The following RBM48 variants were observed in gnomAD, a reference collection of about 807,000 sequenced individuals.
RBM48 encodes RNA-binding protein 48.
A neutral mutation model predicts 34.8 loss-of-function variants in RBM48; 32 were observed. That is an observed-to-expected ratio of 0.92 (90% CI 0.69 to 1.23). The LOEUF is 1.23. Among genes scored for constraint, RBM48 ranks in the 50% most tolerant of loss-of-function variants. RBM48 has a pLI of 0.00. For synonymous variants in RBM48, 151 were observed against 156.2 expected, an observed-to-expected ratio of 0.97 and a Z score of 0.25; for missense variants, 441 against 447.2, an observed-to-expected ratio of 0.99 and a Z score of 0.12.
chr7:92,530,791 G>A (rs1293421347), intron 2 of RBM48, among the ~76,000 whole-genome samples: 1 of 147,846 alleles, frequency 6.8e-6, no homozygotes, highest in East Asian at 2.0e-4. Flanking sequence ...GAGTGAGACT[G>A]TCTCAAAAAA....
chr7:92,535,196 G>C, intron 4 of RBM48: 5 of 1,404,852 alleles, frequency 3.6e-6, no homozygotes, highest in Middle Eastern at 2.5e-4. Flanking sequence ...TATCACTGTA[G>C]ATACAAAATA....
At chr7:92,528,949 C>T in intron 1 of RBM48, 25 bp downstream of exon 1, 2 of 1,542,614 alleles carry the variant, frequency 1.3e-6, no homozygotes, top group South Asian at 1.1e-5. Context: ...GTTTCATTCG[C>T]TCTCCTCGGT....
At chr7:92,531,779 G>A (rs1003499485) in intron 2 of RBM48, among the ~76,000 whole-genome samples, 1 of 152,192 alleles carries the variant, frequency 6.6e-6, no homozygotes, top group Non-Finnish European at 1.5e-5. Flanking sequence ...TTGTTTTTAG[G>A]TGTTAATTCA....
intron 3 of RBM48, among the ~76,000 whole-genome samples, chr7:92,533,786 A>G (rs1000961060): frequency 6.6e-6 from 1 of 152,158 alleles, no homozygotes; most frequent in South Asian, 2.1e-4. Flanking sequence ...CACATAGCCA[A>G]TTTCATCTTT....
At chr7:92,535,249 G>A (rs1032244093) in intron 4 of RBM48, 4 of 1,326,602 alleles carry the variant, frequency 3.0e-6, no homozygotes, top group African/African-American at 1.5e-5. Flanking sequence ...CTGTGAGAGT[G>A]GAGCCCAGGC....
At chr7:92,532,580 G>A in intron 3 of RBM48, 31 bp downstream of exon 3, 2 of 1,529,278 alleles carry the variant, frequency 1.3e-6, no homozygotes, top group Non-Finnish European at 9.0e-7. Flanking sequence ...AATGCCTCCT[G>A]TGTGTCAGGC....
chr7:92,532,073 T>A (rs1793589043), intron 2 of RBM48, among the ~76,000 whole-genome samples: 1 of 152,198 alleles, frequency 6.6e-6, no homozygotes, highest in South Asian at 2.1e-4. Context: ...TAATTGGGTA[T>A]GAACCAACTC....
At chr7:92,531,047 T>A (rs1793563499) in intron 2 of RBM48, among the ~76,000 whole-genome samples, 2 of 151,958 alleles carry the variant, frequency 1.3e-5, no homozygotes, top group Non-Finnish European at 2.9e-5. Context: ...GCCACTACAC[T>A]CCATCCTGGG....
At chr7:92,535,155 T>C in intron 4 of RBM48, 185 bp downstream of exon 4, 3 of 1,431,586 alleles carry the variant, frequency 2.1e-6, no homozygotes, top group Non-Finnish European at 2.7e-6. Flanking sequence ...AAACTGTTAA[T>C]ACTTGCTTTA....
Position 92,539,388 on chromosome 7 carries a change from G to A in RBM48, c.*2451G>A, listed in dbSNP as rs1310885118. ...ATAAGGATAGCTTAATAACATGCAA[G>A]CTAATTTACAAAATTTCCATATAGG... On this transcript the variant is annotated 3_prime_UTR_variant, in exon 5 of 5. Coordinates refer to ENST00000265732, the MANE Select transcript of RBM48 (RefSeq NM_032120.4). Among the ~76,000 whole-genome samples, 1 of 152,174 alleles carries A rather than the reference G, an allele frequency of 6.6e-6. No homozygotes were observed. Among genetic ancestry groups the A allele is most frequent in the Non-Finnish European group, 1.5e-5 (1 of 68,044 alleles).
chr7:92,529,645 TTA>T lies in RBM48; in HGVS notation c.283_284del (p.Met95GlufsTer14). Reference sequence around the variant, plus strand: ...TTTACTGAAGTTTATCTTATTAAATTTATGAACTTACAAAGTGCAAGGTAATG... The same window carrying T: ...TTTACTGAAGTTTATCTTATTAAATTTGAACTTACAAAGTGCAAGGTAATG... On this transcript the variant is annotated frameshift_variant, in exon 2 of 5. Coordinates refer to ENST00000265732, the MANE Select transcript of RBM48 (RefSeq NM_032120.4). LOFTEE classifies it high-confidence loss of function. 1.9e-6 allele frequency: 3 copies of T among 1,594,364 alleles called. No individual in the cohort carries two copies. The highest frequency in any genetic ancestry group is 2.6e-6 in the Non-Finnish European group (3 of 1,167,744).
intron 3 of RBM48, 152 bp downstream of exon 3, chr7:92,532,701 A>G: frequency 1.7e-6 from 1 of 597,098 alleles, no homozygotes; most frequent in South Asian, 2.2e-5. Context: ...AGCACACTAC[A>G]TAATCTGGGT....
chr7:92,533,967 T>TA (rs768646005), intron 3 of RBM48, among the ~76,000 whole-genome samples: 4,184 of 83,586 alleles, frequency 0.05, 73 homozygotes, highest in Middle Eastern at 0.093. Context: ...TCTGAAATTG[T>TA]AAAAAAAAAA....
chr7:92,536,766 G>A, intron 4 of RBM48, 85 bp from the exon 5 acceptor site: 1 of 1,456,936 alleles, frequency 6.9e-7, no homozygotes, highest in Non-Finnish European at 9.0e-7. Flanking sequence ...TGAACTATTG[G>A]ATGTAGTCTT....
chr7:92,529,235 G>T, intron 1 of RBM48: 1 of 571,488 alleles, frequency 1.7e-6, no homozygotes. Flanking sequence ...GACTTCTACC[G>T]ACTCAATTTC....
intron 2 of RBM48, among the ~76,000 whole-genome samples, chr7:92,531,651 G>C (rs1439104489): frequency 5.3e-5 from 8 of 152,210 alleles, no homozygotes; most frequent in African/African-American, 1.9e-4. Flanking sequence ...GTTTTCTATA[G>C]TACGTAGTCT....
intron 4 of RBM48, chr7:92,535,858 G>A: frequency 1.0e-6 from 1 of 976,560 alleles, no homozygotes; most frequent in Non-Finnish European, 1.2e-6. Context: ...GTTTAGGCTG[G>A]GCCCAGTGCC....
chr7:92,529,308 G>T (rs1183566628), intron 1 of RBM48, 168 bp from the exon 2 acceptor site: 1 of 590,424 alleles, frequency 1.7e-6, no homozygotes. Flanking sequence ...CACATGGACT[G>T]TTATTCTTTA....
In RBM48 at chr7:92,532,445, G is replaced by A; in HGVS notation, c.344G>A (p.Gly115Glu). 6.2e-7 allele frequency: 1 copy of A among 1,612,142 alleles called. No individual in the cohort carries two copies. Among genetic ancestry groups the A allele is most frequent in the South Asian group, 1.1e-5 (1 of 90,974 alleles). The change falls in exon 3 of 5, where the codon GGA becomes GAA. Residue 115 changes from glycine (G) to glutamate (E), a missense_variant. By Grantham distance (98) the Gly-to-Glu change is moderately conservative. Coordinates refer to ENST00000265732, the MANE Select transcript of RBM48 (RefSeq NM_032120.4). ...ATGGATGAACAGAGTTTCTTCGGTG[G>A]ATTGCTTCATGTGTGCTATGCTCCA... ...RKMDEQSFFG[G>E]LLHVCYAPEF... is the part of the protein sequence containing the mutation.
Sources: gnomAD v4.1 joint callset for allele counts (sites outside exome capture counted in the v4.1 genomes callset) on GRCh38, gnomAD v4.1.1 for gene constraint, MANE v1.5 for transcripts, NCBI Gene and HGNC (gene_info 2026-07-23, HGNC 2026-07-21) for gene names.